Variants in SMURF1 observed in about 807,000 individuals in gnomAD.
SMURF1 encodes E3 ubiquitin-protein ligase SMURF1.
In SMURF1, 44 loss-of-function variants were observed where a neutral mutation model predicts 98.0. The observed-to-expected ratio is 0.45, with a 90% confidence interval of 0.35 to 0.58. The LOEUF is 0.58. SMURF1 is among the 20% of genes least tolerant of loss of function. The pLI, the probability that SMURF1 is intolerant of heterozygous loss-of-function variation, is 0.00. For synonymous variants in SMURF1, 396 were observed against 374.9 expected (o/e 1.06, Z -0.65); for missense variants, 687 against 938.4 (o/e 0.73, Z 3.50).
At chr7:99,101,127 G>A (rs1797068746) in intron 1 of SMURF1, among the ~76,000 whole-genome samples, 1 of 152,304 alleles carries the variant, frequency 6.6e-6, no homozygotes, top group East Asian at 1.9e-4. Flanking sequence ...ATTAAGTTCT[G>A]AAGAAATATG....
chr7:99,118,138 G>A (rs565282991), intron 1 of SMURF1, among the ~76,000 whole-genome samples: 17 of 152,180 alleles, frequency 1.1e-4, no homozygotes, highest in Admixed American at 4.6e-4. Flanking sequence ...AAAACAAAAC[G>A]ATGATGGAAA....
chr7:99,099,386 A>G lies in SMURF1; in HGVS notation c.56-37549T>C, dbSNP rs1337881068. ...CAGTATCTAACACAGGGTCTAACAC[A>G]TAAAAGAGAACAGTAACACTGAACT... On this transcript the variant is annotated intron_variant, in intron 1 of 17. Coordinates refer to ENST00000361368, the MANE Select transcript of SMURF1 (RefSeq NM_181349.3). Among the ~76,000 whole-genome samples, 4 of 152,294 alleles carry G rather than the reference A, an allele frequency of 2.6e-5. No homozygotes were observed. The South Asian group carries it at 8.3e-4, about 32-fold the overall frequency.
At chr7:99,045,539 C>T in intron 11 of SMURF1, 159 bp downstream of exon 11, 1 of 596,256 alleles carries the variant, frequency 1.7e-6, no homozygotes, top group East Asian at 2.9e-5. Context: ...CTATTCTCCG[C>T]AGGGTGGCTG....
At chr7:99,086,744 A>G (rs1329984373) in intron 1 of SMURF1, among the ~76,000 whole-genome samples, 2 of 152,250 alleles carry the variant, frequency 1.3e-5, no homozygotes. Context: ...AAAAGAATGA[A>G]GTATTAATCC....
intron 1 of SMURF1, chr7:99,120,736 A>G (rs1389462569): frequency 6.6e-6 from 1 of 152,020 alleles, no homozygotes; most frequent in Non-Finnish European, 1.5e-5. Context: ...AATTTAGATT[A>G]AAGTCTTTCA....
At chr7:99,134,389 C>T (rs10499947) in intron 1 of SMURF1, among the ~76,000 whole-genome samples, 26,884 of 152,090 alleles carry the variant, frequency 0.18, 3,056 homozygotes, top group African/African-American at 0.32. Flanking sequence ...AAACACTGTA[C>T]AGACGGGAGG....
chr7:99,067,706 C>T (rs1317277774), intron 1 of SMURF1, among the ~76,000 whole-genome samples: 3 of 152,166 alleles, frequency 2.0e-5, no homozygotes, highest in African/African-American at 7.2e-5. Context: ...AATCCCAGCA[C>T]TTTGGGAGGC....
chr7:99,100,321 G>A (rs758349665), intron 1 of SMURF1, among the ~76,000 whole-genome samples: 39 of 152,352 alleles, frequency 2.6e-4, no homozygotes, highest in Admixed American at 1.2e-3. Flanking sequence ...TCGGGAGGCC[G>A]AGGAGTGTGG....
At chr7:99,087,533 A>T (rs1165359052) in intron 1 of SMURF1, among the ~76,000 whole-genome samples, 1 of 152,226 alleles carries the variant, frequency 6.6e-6, no homozygotes, top group Non-Finnish European at 1.5e-5. Context: ...ATTTTAAATA[A>T]ATTATTTAAA....
chr7:99,091,702 AT>A (rs757254811), intron 1 of SMURF1, among the ~76,000 whole-genome samples: 1 of 151,720 alleles, frequency 6.6e-6, no homozygotes, highest in South Asian at 2.1e-4. Flanking sequence ...TAGTCTTATA[AT>A]TTTTTTTTAA....
At chr7:99,052,495 C>T (rs745754135) in intron 6 of SMURF1, 49 bp from the exon 7 acceptor site, 2 of 1,471,996 alleles carry the variant, frequency 1.4e-6, no homozygotes, top group Admixed American at 2.4e-5. Context: ...GGAGGAGTCA[C>T]AAGACCAGCG....
chr7:99,031,366 T>C (rs941069882), intron 17 of SMURF1: 1 of 152,220 alleles, frequency 6.6e-6, no homozygotes, highest in Non-Finnish European at 1.5e-5. Flanking sequence ...TTTCCAGTAT[T>C]TGTGCAAAGA....
chr7:99,030,702 G>C lies in SMURF1; in HGVS notation c.2097-19C>G, dbSNP rs369770551. On this transcript the variant is annotated intron_variant, in intron 17 of 17. Transcript: ENST00000361368. ...GTTAAAGCTGAAAAAGGACAAAAGA[G>C]AGTCACCGTGTGGGCAGTCCAGCCC... The C allele has an allele frequency of 7.5e-6, 12 of 1,609,756 alleles. No individual in the cohort carries two copies. The African/African-American group carries it at 1.5e-4, about 20-fold the overall frequency.
At chr7:99,101,715 G>A (rs1012881425) in intron 1 of SMURF1, among the ~76,000 whole-genome samples, 9 of 152,146 alleles carry the variant, frequency 5.9e-5, no homozygotes, top group Admixed American at 6.5e-5. Context: ...CGAGGCAGGC[G>A]GATCGCCTGA....
intron 16 of SMURF1, among the ~76,000 whole-genome samples, chr7:99,034,767 A>G (rs1795066192): frequency 6.6e-6 from 1 of 152,198 alleles, no homozygotes; most frequent in Admixed American, 6.5e-5. Flanking sequence ...CTATAGGCAG[A>G]GGTCACAATG....
At chr7:99,069,764 G>GC (rs1796277704) in intron 1 of SMURF1, among the ~76,000 whole-genome samples, 2 of 152,168 alleles carry the variant, frequency 1.3e-5, no homozygotes, top group Admixed American at 6.5e-5. Context: ...AAAATGTTAA[G>GC]CCCATACAGG....
Position 99,038,369 on chromosome 7 carries a change from C to A in SMURF1, c.1688+19G>T. Reference sequence around the variant, plus strand: ...AGCCGCGCCCCAGGCACCTGGCCGTCCCCGACAGGTGGCATTACCGGACGT... The same window carrying A: ...AGCCGCGCCCCAGGCACCTGGCCGTACCCGACAGGTGGCATTACCGGACGT... On this transcript the variant is annotated intron_variant, in intron 14 of 17. Coordinates refer to ENST00000361368, the MANE Select transcript of SMURF1 (RefSeq NM_181349.3). The A allele has an allele frequency of 1.2e-6, 2 of 1,612,658 alleles. No homozygotes were observed. Among genetic ancestry groups the A allele is most frequent in the South Asian group, 1.1e-5 (1 of 90,902 alleles).
intron 16 of SMURF1, among the ~76,000 whole-genome samples, chr7:99,034,546 C>T (rs1471103371): frequency 6.6e-6 from 1 of 152,010 alleles, no homozygotes; most frequent in Non-Finnish European, 1.5e-5. Context: ...CAGTGAGTCT[C>T]GGCTTCCTCA....
chr7:99,123,302 C>T (rs1028497686), intron 1 of SMURF1, among the ~76,000 whole-genome samples: 1 of 152,092 alleles, frequency 6.6e-6, no homozygotes, highest in Non-Finnish European at 1.5e-5. Flanking sequence ...CTTTGGGAGG[C>T]TGAGAGGATC....
Sources: gnomAD v4.1 joint callset for allele counts (sites outside exome capture counted in the v4.1 genomes callset) on GRCh38, gnomAD v4.1.1 for gene constraint, MANE v1.5 for transcripts, NCBI Gene and HGNC (gene_info 2026-07-23, HGNC 2026-07-21) for gene names.